MGMT: variants seen among roughly 807,000 people sequenced by gnomAD.
MGMT encodes the protein methylated-DNA--protein-cysteine methyltransferase.
Under a neutral mutation model 15.9 loss-of-function variants are expected in MGMT, and 14 were observed. The ratio of observed to expected loss-of-function variants is 0.88; its 90% CI spans 0.58 to 1.37. MGMT has a LOEUF of 1.37. MGMT is among the 40% of genes most tolerant of loss of function. The pLI is 0.00. For synonymous variants in MGMT, 130 were observed against 118.2 expected, an observed-to-expected ratio of 1.10 and a Z score of -0.65; for missense variants, 282 against 268.1, an observed-to-expected ratio of 1.05 and a Z score of -0.36.
chr10:129,538,630 C>T (rs1846011089), intron 2 of MGMT, among the ~76,000 whole-genome samples: 1 of 151,808 alleles, frequency 6.6e-6, no homozygotes, highest in African/African-American at 2.4e-5. Context: ...AAGTCTTTTG[C>T]CCATTTTTTT....
At chr10:129,583,645 C>T (rs1246754073) in intron 2 of MGMT, among the ~76,000 whole-genome samples, 1 of 152,230 alleles carries the variant, frequency 6.6e-6, no homozygotes, top group Non-Finnish European at 1.5e-5. Context: ...CCCTTGCCTG[C>T]AGGGCAGGGC....
intron 2 of MGMT, among the ~76,000 whole-genome samples, chr10:129,597,883 T>TA (rs1172529381): frequency 1.3e-5 from 2 of 152,230 alleles, no homozygotes; most frequent in South Asian, 2.1e-4. Flanking sequence ...TTTTTGTATT[T>TA]AAAAAATGGC....
chr10:129,628,495 T>C (rs1041655528), intron 2 of MGMT, among the ~76,000 whole-genome samples: 2 of 152,176 alleles, frequency 1.3e-5, no homozygotes, highest in African/African-American at 4.8e-5. Context: ...CTGGTACCTG[T>C]GTCTGCCCTG....
rs74162163 is a variant in MGMT, at chr10:129,480,817, C to T, written c.-13+13521C>T. Among the ~76,000 whole-genome samples, 702 of 152,288 alleles carry T rather than the reference C, an allele frequency of 4.6e-3. 8 individuals are homozygous for T. Among genetic ancestry groups the T allele is most frequent in the African/African-American group, 0.016 (667 of 41,560 alleles). ...GACTATTCATTTTTGAGAAAACATC[C>T]GCCAGATATGCAAGTCTGAATAACT... On this transcript the variant is annotated intron_variant, in intron 1 of 4. Transcript: ENST00000651593.
rs192935895 is a variant in MGMT at position 129,613,469 on chromosome 10, G to A, written c.125+77092G>A. On this transcript the variant is annotated intron_variant, in intron 2 of 4. Coordinates refer to ENST00000651593, the MANE Select transcript of MGMT (RefSeq NM_002412.5). ...GATTGTTTTGTCACAGACAGGGGAA[G>A]CCCTCATCTGACTTGCCCTGTAGGA... Among the ~76,000 whole-genome samples the A allele has an allele frequency of 1.4e-4, 22 of 152,296 alleles. No individual in the cohort carries two copies. In the East Asian group the frequency reaches 3.7e-3, roughly 25 times the overall value.
intron 2 of MGMT, among the ~76,000 whole-genome samples, chr10:129,541,138 C>T (rs540016137): frequency 6.6e-6 from 1 of 152,362 alleles, no homozygotes; most frequent in Admixed American, 6.5e-5. Flanking sequence ...GATTCCCGCT[C>T]CCCAGGTGAA....
At chr10:129,494,078 C>CT (rs1458458357) in intron 1 of MGMT, among the ~76,000 whole-genome samples, 2 of 152,170 alleles carry the variant, frequency 1.3e-5, no homozygotes, top group South Asian at 2.1e-4. Flanking sequence ...ATCTGAGACT[C>CT]TGTCTTAAAG....
At chr10:129,540,514 C>T (rs1394459049) in intron 2 of MGMT, among the ~76,000 whole-genome samples, 1 of 152,198 alleles carries the variant, frequency 6.6e-6, no homozygotes, top group Admixed American at 6.5e-5. Context: ...TCAGAGGCGT[C>T]TTCCTCACTG....
chr10:129,693,114 G>A (rs762865382), intron 2 of MGMT, among the ~76,000 whole-genome samples: 2 of 152,208 alleles, frequency 1.3e-5, no homozygotes, highest in East Asian at 3.8e-4. Context: ...TCTTGTACCT[G>A]TACCTGTCTG....
intron 2 of MGMT, among the ~76,000 whole-genome samples, chr10:129,564,688 C>CTCCTCTCCTTCCTCCTCT (rs1425113368): frequency 7.1e-6 from 1 of 139,878 alleles, no homozygotes; most frequent in East Asian, 2.2e-4. Flanking sequence ...CTTCCTCCTC[C>CTCCTCTCCTTCCTCCTCT]TCCTCTCCTT....
intron 2 of MGMT, among the ~76,000 whole-genome samples, chr10:129,670,174 A>G (rs1373104890): frequency 5.3e-5 from 8 of 150,070 alleles, no homozygotes; most frequent in African/African-American, 1.9e-4. Flanking sequence ...ATAGATTCAG[A>G]TTCACATATT....
chr10:129,669,595 A>G (rs1279876234), intron 2 of MGMT, among the ~76,000 whole-genome samples: 1 of 152,194 alleles, frequency 6.6e-6, no homozygotes, highest in Non-Finnish European at 1.5e-5. Context: ...AATAATTTCC[A>G]ATTAAAGGTT....
intron 3 of MGMT, among the ~76,000 whole-genome samples, chr10:129,730,729 A>C (rs886439039): frequency 6.6e-6 from 1 of 152,042 alleles, no homozygotes; most frequent in Non-Finnish European, 1.5e-5. Flanking sequence ...TTTGCACAGC[A>C]TGATTCTATT....
intron 2 of MGMT, among the ~76,000 whole-genome samples, chr10:129,660,758 G>T (rs1847586869): frequency 6.9e-6 from 1 of 145,376 alleles, no homozygotes; most frequent in African/African-American, 2.7e-5. Context: ...TCACAAAGAG[G>T]AAGATCCCCC....
At chr10:129,718,737 T>G (rs2133152272) in intron 3 of MGMT, among the ~76,000 whole-genome samples, 1 of 152,154 alleles carries the variant, frequency 6.6e-6, no homozygotes, top group East Asian at 1.9e-4. Flanking sequence ...TCTGCATGCC[T>G]GCTAAGGCGT....
At chr10:129,468,578 A>T (rs1047495977) in intron 1 of MGMT, among the ~76,000 whole-genome samples, 1 of 151,826 alleles carries the variant, frequency 6.6e-6, no homozygotes, top group Non-Finnish European at 1.5e-5. Flanking sequence ...CAATGTATAT[A>T]TCTTCATTAA....
intron 2 of MGMT, among the ~76,000 whole-genome samples, chr10:129,680,398 T>C (rs1429751297): frequency 6.6e-6 from 1 of 152,136 alleles, no homozygotes; most frequent in Non-Finnish European, 1.5e-5. Flanking sequence ...GTGGAAATTG[T>C]TGAGAGGAGA....
At chr10:129,719,326 A>G (rs540429624) in intron 3 of MGMT, among the ~76,000 whole-genome samples, 165 of 152,354 alleles carry the variant, frequency 1.1e-3, no homozygotes, top group African/African-American at 3.8e-3. Context: ...TGTCAGGGCC[A>G]TTAGCTGGCA....
chr10:129,561,588 G>A (rs1405837031), intron 2 of MGMT, among the ~76,000 whole-genome samples: 1 of 152,140 alleles, frequency 6.6e-6, no homozygotes, highest in Non-Finnish European at 1.5e-5. Context: ...GTCTGATGGT[G>A]GAGGTCATAG....
Sources: allele counts gnomAD v4.1 joint callset (sites outside exome capture counted in the v4.1 genomes callset), GRCh38; gene constraint gnomAD v4.1.1; transcripts MANE v1.5; gene names NCBI Gene and HGNC (gene_info 2026-07-23, HGNC 2026-07-21).